The following ARHGAP26 variants were observed in gnomAD, a reference collection of about 807,000 sequenced individuals.
The protein encoded by ARHGAP26 is rho GTPase-activating protein 26.
A neutral mutation model predicts 104.8 loss-of-function variants in ARHGAP26; 38 were observed. The observed-to-expected ratio is 0.36, with a 90% CI of 0.28 to 0.48. The LOEUF (loss-of-function observed/expected upper bound fraction) is 0.48. ARHGAP26 is among the 20% of genes least tolerant of loss of function. The pLI, the probability that ARHGAP26 is intolerant of heterozygous loss-of-function variation, is 0.99. For missense variants in ARHGAP26, 704 were observed against 947.9 expected (o/e 0.74, Z 3.38); for synonymous variants, 341 against 340.0 (o/e 1.00, Z -0.03).
chr5:142,792,570 C>T (rs140068435), intron 1 of ARHGAP26, among the ~76,000 whole-genome samples: 269 of 152,286 alleles, frequency 1.8e-3, no homozygotes, highest in African/African-American at 6.3e-3. Flanking sequence ...AGGGTACTGA[C>T]CGTGCAGGGA....
chr5:142,926,977 C>T (rs555979273), intron 10 of ARHGAP26, among the ~76,000 whole-genome samples: 4 of 152,176 alleles, frequency 2.6e-5, no homozygotes, highest in Admixed American at 6.5e-5. Flanking sequence ...ATCCTGGTAA[C>T]GCTGGGAGAC....
chr5:142,843,604 G>A (rs1440204677), intron 1 of ARHGAP26, among the ~76,000 whole-genome samples: 1 of 151,910 alleles, frequency 6.6e-6, no homozygotes, highest in African/African-American at 2.4e-5. Flanking sequence ...GAAGCTGAGG[G>A]TTTTATGGTA....
Position 143,054,498 on chromosome 5 carries a change from A to G in ARHGAP26, c.1345A>G (p.Ile449Val), listed in dbSNP as rs1294317975. The stretch of plus-strand genomic sequence containing the variant: ...CTGTGCTGAATGGGAGATAAAGACC[A>G]TCACTAGTGCTCTGAAGACCTACCT... The part of the protein sequence containing the change: ...DICAEWEIKT[I>V]TSALKTYLRM... Residue 449 changes from isoleucine to valine, a missense_variant, in exon 15 of 23, where the codon ATC becomes GTC. By Grantham distance (29) the Ile-to-Val change is conservative. Around this residue, in one of 6 missense-constraint regions of ARHGAP26, gnomAD observed 287 missense variants for 438.8 expected, o/e 0.65. Coordinates refer to ENST00000645722, the MANE Select transcript of ARHGAP26 (RefSeq NM_001135608.3). The G allele has an allele frequency of 1.2e-6, 2 of 1,613,624 alleles. No individual in the cohort carries two copies. The highest frequency in any genetic ancestry group is 2.2e-5 in the South Asian group (2 of 91,028).
At chr5:142,995,060 C>T (rs1192130034) in intron 11 of ARHGAP26, among the ~76,000 whole-genome samples, 2 of 152,148 alleles carry the variant, frequency 1.3e-5, no homozygotes, top group African/African-American at 4.8e-5. Flanking sequence ...ACAATAAAAA[C>T]CCTAGAAGAA....
intron 17 of ARHGAP26, among the ~76,000 whole-genome samples, chr5:143,118,276 C>T (rs1795729228): frequency 6.6e-6 from 1 of 152,204 alleles, no homozygotes; most frequent in South Asian, 2.1e-4. Flanking sequence ...TGCATTCTCA[C>T]ATTTAATCTG....
chr5:143,216,090 A>G lies in ARHGAP26; in HGVS notation c.2191+2002A>G, dbSNP rs945552723. Reference sequence around the variant, plus strand: ...TATGTTCCTACCTTCTTTCATTTTTAAGTCTTTCTGCAGTAGCTTAAATAG... The same window carrying G: ...TATGTTCCTACCTTCTTTCATTTTTGAGTCTTTCTGCAGTAGCTTAAATAG... On this transcript the variant is annotated intron_variant, in intron 22 of 22. Coordinates refer to ENST00000645722, the MANE Select transcript of ARHGAP26 (RefSeq NM_001135608.3). 1.6e-4 allele frequency: 68 copies of G among 438,096 alleles called. 1 individual carries two copies. The highest frequency in any genetic ancestry group is 6.6e-5 in the Non-Finnish European group (14 of 210,578). The allele number at this position is 438,096 out of a possible 1,614,324, so 27.1% of individuals were successfully genotyped here. A position where few individuals can be genotyped will look rare whatever the true frequency, so the allele number is the denominator to read the frequency against.
At chr5:143,108,352 C>T (rs77303350) in intron 17 of ARHGAP26, among the ~76,000 whole-genome samples, 7,446 of 152,238 alleles carry the variant, frequency 0.049, 611 homozygotes, top group African/African-American at 0.17. Context: ...CACCTTTTAC[C>T]GTATGAATTG....
intron 11 of ARHGAP26, among the ~76,000 whole-genome samples, chr5:142,959,195 T>A (rs1469086446): frequency 6.6e-6 from 1 of 152,220 alleles, no homozygotes. Flanking sequence ...ATGTGGACAT[T>A]TGTACAGATG....
rs563127344 is a variant in ARHGAP26 at position 142,799,649 on chromosome 5, T to C, written c.154+28734T>C. Among the ~76,000 whole-genome samples, 3 of 152,314 alleles carry C rather than the reference T, an allele frequency of 2.0e-5. No homozygotes were observed. The East Asian group carries it at 5.8e-4, about 29-fold the overall frequency. ...TTCTGGAGGCTGGGAAGTCCAAGAT[T>C]GAGGGCCCAGCATCTGGTGAGGAGG... On this transcript the variant is annotated intron_variant, in intron 1 of 22. Coordinates refer to ENST00000645722, the MANE Select transcript of ARHGAP26 (RefSeq NM_001135608.3).
chr5:142,796,917 A>G (rs1450628442), intron 1 of ARHGAP26, among the ~76,000 whole-genome samples: 1 of 152,116 alleles, frequency 6.6e-6, no homozygotes, highest in East Asian at 1.9e-4. Context: ...TTAGGGAGGG[A>G]TTGCCAATGG....
chr5:142,998,247 G>T (rs990875561), intron 11 of ARHGAP26, among the ~76,000 whole-genome samples: 18 of 152,232 alleles, frequency 1.2e-4, no homozygotes, highest in Admixed American at 1.1e-3. Flanking sequence ...GTTAAGATTA[G>T]TACAGGGCAG....
chr5:143,076,438 A>G (rs1789035613), intron 17 of ARHGAP26, among the ~76,000 whole-genome samples: 1 of 152,194 alleles, frequency 6.6e-6, no homozygotes, highest in African/African-American at 2.4e-5. Flanking sequence ...AGCAAAATGC[A>G]CAAAAAATAA....
chr5:142,886,031 C>T (rs1414370160), intron 5 of ARHGAP26, among the ~76,000 whole-genome samples: 7 of 152,256 alleles, frequency 4.6e-5, no homozygotes, highest in South Asian at 4.1e-4. Context: ...ATGGAGCCAT[C>T]GCAGCCGTGG....
At chr5:143,080,388 G>A (rs760831757) in intron 17 of ARHGAP26, among the ~76,000 whole-genome samples, 4 of 152,224 alleles carry the variant, frequency 2.6e-5, no homozygotes, top group Non-Finnish European at 5.9e-5. Context: ...TTCAGGTGGT[G>A]GTAAGTGCCC....
At chr5:143,167,830 A>G (rs1444850739) in intron 20 of ARHGAP26, among the ~76,000 whole-genome samples, 2 of 152,272 alleles carry the variant, frequency 1.3e-5, no homozygotes, top group African/African-American at 4.8e-5. Flanking sequence ...CTGACAAGAG[A>G]TAGTGGAAGC....
At chr5:142,903,140 A>C (rs1248366357) in intron 7 of ARHGAP26, among the ~76,000 whole-genome samples, 1 of 152,212 alleles carries the variant, frequency 6.6e-6, no homozygotes, top group Non-Finnish European at 1.5e-5. Context: ...TCTGTGAGCC[A>C]TCAGCAAGCA....
chr5:142,945,513 C>T (rs1184190482), intron 11 of ARHGAP26, among the ~76,000 whole-genome samples: 1 of 152,150 alleles, frequency 6.6e-6, no homozygotes, highest in Non-Finnish European at 1.5e-5. Flanking sequence ...CTATCGCCAG[C>T]TGGTTGCTCA....
intron 11 of ARHGAP26, among the ~76,000 whole-genome samples, chr5:143,007,000 C>T (rs549001436): frequency 9.2e-5 from 14 of 151,910 alleles, no homozygotes; most frequent in Middle Eastern, 3.4e-3. Context: ...GAGGCCGAGG[C>T]GGGTGGATTG....
intron 11 of ARHGAP26, among the ~76,000 whole-genome samples, chr5:143,003,770 C>T (rs1046145898): frequency 6.6e-6 from 1 of 152,066 alleles, no homozygotes; most frequent in East Asian, 1.9e-4. Flanking sequence ...TCTGTTAATA[C>T]TCTCATAAGT....
Sources: allele counts gnomAD v4.1 joint callset (sites outside exome capture counted in the v4.1 genomes callset), GRCh38; gene constraint gnomAD v4.1.1; regional missense constraint gnomAD v4.1.1; transcripts MANE v1.5; gene names NCBI Gene and HGNC (gene_info 2026-07-23, HGNC 2026-07-21).